The following RUNDC3B variants were observed in gnomAD, a reference collection of about 807,000 sequenced individuals.
The protein encoded by RUNDC3B is RUN domain-containing protein 3B.
A neutral mutation model predicts 58.4 loss-of-function variants in RUNDC3B; 33 were observed. The observed-to-expected ratio is 0.56, with a 90% CI of 0.43 to 0.75. The LOEUF (loss-of-function observed/expected upper bound fraction) is 0.75. Ranked by LOEUF, RUNDC3B falls within the 30% of genes least tolerant of loss-of-function variation. The pLI, the probability that RUNDC3B is intolerant of heterozygous loss-of-function variation, is 0.00. For synonymous variants in RUNDC3B, 193 were observed against 195.2 expected (o/e 0.99, Z 0.10); for missense variants, 501 against 535.7 (o/e 0.94, Z 0.64).
At chr7:87,802,472 A>G (rs546512163) in intron 8 of RUNDC3B, among the ~76,000 whole-genome samples, 1 of 152,312 alleles carries the variant, frequency 6.6e-6, no homozygotes, top group Admixed American at 6.5e-5. Context: ...CACAAAAAAA[A>G]TTAGAAAGAA....
At chr7:87,651,517 A>G (rs28381752) in intron 2 of RUNDC3B, among the ~76,000 whole-genome samples, 282 of 152,278 alleles carry the variant, frequency 1.9e-3, no homozygotes, top group African/African-American at 6.5e-3. Flanking sequence ...AAAATTCAAG[A>G]AGTATTATAT....
chr7:87,664,701 A>G (rs1825058165), intron 2 of RUNDC3B, among the ~76,000 whole-genome samples: 1 of 152,164 alleles, frequency 6.6e-6, no homozygotes, highest in South Asian at 2.1e-4. Flanking sequence ...AAATGATCCA[A>G]TCTGAAGAAC....
At position 87,628,786 on chromosome 7, in the gene RUNDC3B, G is replaced by A; in HGVS notation, c.-38G>A. ...TAAGCAGGTGTGGGGGGCGTGCGGGGTGGCACGAGACAAAAGGGGCACGGG... is the reference window on the plus strand; with the variant it reads ...TAAGCAGGTGTGGGGGGCGTGCGGGATGGCACGAGACAAAAGGGGCACGGG... On this transcript the variant is annotated 5_prime_UTR_variant, in exon 1 of 11. In the 5' UTR this introduces an upstream ATG that the reference lacks. Coordinates refer to ENST00000394654, the MANE Select transcript of RUNDC3B (RefSeq NM_001134405.2). 2.6e-6 allele frequency: 3 copies of A among 1,176,316 alleles called. No homozygotes were observed. The highest frequency in any genetic ancestry group is 3.2e-5 in the East Asian group (1 of 31,426). 72.9% of individuals were successfully genotyped at this position (1,176,316 alleles called of 1,614,324 possible). A position where few individuals can be genotyped will look rare whatever the true frequency, so the allele number is the denominator to read the frequency against.
intron 7 of RUNDC3B, among the ~76,000 whole-genome samples, chr7:87,774,318 AAAGAGAT>A (rs1448835983): frequency 6.6e-6 from 1 of 152,182 alleles, no homozygotes; most frequent in Non-Finnish European, 1.5e-5. Context: ...AATGAAAATT[AAAGAGAT>A]AAGTATCCAA....
chr7:87,801,209 C>T (rs1836133320), intron 8 of RUNDC3B, among the ~76,000 whole-genome samples: 1 of 152,122 alleles, frequency 6.6e-6, no homozygotes, highest in South Asian at 2.1e-4. Context: ...GGGAAACCAT[C>T]ACTAAGAAGT....
rs558484702 is a variant in RUNDC3B at position 87,637,395 on chromosome 7, ATTC to A, written c.122+8453_122+8455del. Among the ~76,000 whole-genome samples the A allele has an allele frequency of 7.2e-3, 1,101 of 152,240 alleles. 12 individuals are homozygous for A. Among genetic ancestry groups the A allele is most frequent in the Non-Finnish European group, 8.9e-3 (608 of 67,992 alleles). On this transcript the variant is annotated intron_variant, in intron 1 of 10. Transcript: ENST00000394654. ...TTTATTTTTCAAGATTATCTTGGCT[ATTC>A]TTGGCCTTTTACAAACTAAATTTTA...
intron 8 of RUNDC3B, among the ~76,000 whole-genome samples, chr7:87,791,681 C>G (rs562840297): frequency 6.6e-6 from 1 of 151,634 alleles, no homozygotes; most frequent in African/African-American, 2.4e-5. Context: ...AATTTGGAAG[C>G]CTGATGGTAA....
intron 6 of RUNDC3B, among the ~76,000 whole-genome samples, chr7:87,745,253 A>T (rs1432406991): frequency 6.6e-6 from 1 of 152,172 alleles, no homozygotes; most frequent in Non-Finnish European, 1.5e-5. Flanking sequence ...ATCTATGTTC[A>T]TCAAGAATAT....
chr7:87,634,781 A>C (rs1821596784), intron 1 of RUNDC3B, among the ~76,000 whole-genome samples: 2 of 152,144 alleles, frequency 1.3e-5, no homozygotes, highest in African/African-American at 4.8e-5. Flanking sequence ...CAGTCATTTT[A>C]TATGTAGTAG....
chr7:87,780,608 A>G (rs1477511440), intron 8 of RUNDC3B, among the ~76,000 whole-genome samples: 2 of 152,124 alleles, frequency 1.3e-5, no homozygotes, highest in African/African-American at 2.4e-5. Context: ...TAGTTTAATT[A>G]GGTCCCACTT....
At chr7:87,703,501 T>A (rs1375340470) in intron 3 of RUNDC3B, among the ~76,000 whole-genome samples, 1 of 152,166 alleles carries the variant, frequency 6.6e-6, no homozygotes, top group Non-Finnish European at 1.5e-5. Flanking sequence ...AGTTCACTTG[T>A]TAAAGCCACT....
chr7:87,751,137 A>T (rs1003006214), intron 6 of RUNDC3B, among the ~76,000 whole-genome samples: 2 of 152,192 alleles, frequency 1.3e-5, no homozygotes, highest in African/African-American at 4.8e-5. Context: ...TAAATAGGGA[A>T]TCCTTTCCCC....
chr7:87,657,678 G>A (rs1824249300), intron 2 of RUNDC3B, among the ~76,000 whole-genome samples: 1 of 152,144 alleles, frequency 6.6e-6, no homozygotes, highest in Non-Finnish European at 1.5e-5. Flanking sequence ...TGGCCATACT[G>A]GGGTGGGGTC....
chr7:87,633,662 T>A (rs1327662904), intron 1 of RUNDC3B, among the ~76,000 whole-genome samples: 1 of 151,990 alleles, frequency 6.6e-6, no homozygotes, highest in Non-Finnish European at 1.5e-5. Flanking sequence ...ACTTATCAGG[T>A]GTTTAATTTT....
At chr7:87,664,377 A>C (rs748032505) in intron 2 of RUNDC3B, among the ~76,000 whole-genome samples, 2 of 152,178 alleles carry the variant, frequency 1.3e-5, no homozygotes, top group Admixed American at 1.3e-4. Flanking sequence ...AACCAAAATT[A>C]CTTTACTTAC....
At chr7:87,813,746 G>A (rs1039260921) in intron 9 of RUNDC3B, among the ~76,000 whole-genome samples, 6 of 152,064 alleles carry the variant, frequency 3.9e-5, no homozygotes, top group South Asian at 2.1e-4. Context: ...TTGAGAGGCC[G>A]AGGCGGGAGG....
chr7:87,677,811 T>C (rs572207512), intron 2 of RUNDC3B, among the ~76,000 whole-genome samples: 9 of 152,292 alleles, frequency 5.9e-5, no homozygotes, highest in Admixed American at 2.0e-4. Context: ...AAATATAATT[T>C]ATTACATATA....
At chr7:87,806,545 T>C (rs911171600) in intron 8 of RUNDC3B, among the ~76,000 whole-genome samples, 2 of 152,212 alleles carry the variant, frequency 1.3e-5, no homozygotes, top group Non-Finnish European at 2.9e-5. Context: ...CCTTTGCTTT[T>C]AAATTCTTTT....
chr7:87,659,287 G>T, intron 2 of RUNDC3B: 1 of 375,180 alleles, frequency 2.7e-6, no homozygotes, highest in Non-Finnish European at 5.2e-6. Context: ...CCTGTTCTTG[G>T]TTTCTCTGTT....
Sources: allele counts gnomAD v4.1 joint callset (sites outside exome capture counted in the v4.1 genomes callset), GRCh38; gene constraint gnomAD v4.1.1; transcripts MANE v1.5; gene names NCBI Gene and HGNC (gene_info 2026-07-23, HGNC 2026-07-21).